GLIS3: variants seen among roughly 807,000 people sequenced by gnomAD.
GLIS3 encodes GLIS family zinc finger 3.
GLIS3 carries 53 observed loss-of-function variants against 78.6 expected under a neutral mutation model. That is an observed-to-expected ratio of 0.67 (90% CI 0.54 to 0.85). The LOEUF (loss-of-function observed/expected upper bound fraction) is 0.85. Among genes scored for constraint, GLIS3 ranks in the 40% least tolerant of loss-of-function variants. The probability of loss-of-function intolerance (pLI) is 0.00; values close to 1 mark genes in which losing one functional copy is unlikely to be tolerated. For missense variants in GLIS3, 1,703 were observed against 1,231.1 expected, an observed-to-expected ratio of 1.38 and a Z score of -5.74; for synonymous variants, 684 against 509.9, an observed-to-expected ratio of 1.34 and a Z score of -4.60.
rs111949985 is a variant in GLIS3, at chr9:4,024,035, C to CAA, written c.1711-86848_1711-86847dup. ...ATTAAGAAGGAAAAACAAAAAAAAA[C>CAA]AAAAAAAAAAATACAGTGGTCCTCC... On this transcript the variant is annotated intron_variant, in intron 4 of 10. Transcript: ENST00000381971. 1.4e-3 allele frequency among the ~76,000 whole-genome samples: 196 copies of CAA among 144,042 alleles called. 1 individual carries two copies. Among genetic ancestry groups the CAA allele is most frequent in the Middle Eastern group, 7.3e-3 (2 of 274 alleles). 94.5% of individuals were successfully genotyped at this position (144,042 alleles called of 152,430 possible).
intron 4 of GLIS3, among the ~76,000 whole-genome samples, chr9:4,026,352 C>G (rs1823346564): frequency 6.6e-6 from 1 of 152,200 alleles, no homozygotes; most frequent in Non-Finnish European, 1.5e-5. Flanking sequence ...TATCATTGTA[C>G]TATCTGAATA....
chr9:4,327,208 T>C (rs2130558155), intron 2 of GLIS3, among the ~76,000 whole-genome samples: 1 of 151,970 alleles, frequency 6.6e-6, no homozygotes, highest in African/African-American at 2.4e-5. Flanking sequence ...GAACAGCAGG[T>C]TTCAAGGACC....
At chr9:4,490,316 G>C in the GLIS3 span, 1 of 167,806 alleles carries the variant, frequency 6.0e-6, no homozygotes, top group South Asian at 1.8e-4. Context: ...AGCGCTGGGC[G>C]CCCTACCACG....
chr9:4,155,321 A>C (rs2131058100), intron 2 of GLIS3, among the ~76,000 whole-genome samples: 1 of 152,354 alleles, frequency 6.6e-6, no homozygotes, highest in South Asian at 2.1e-4. Flanking sequence ...GCAGCAAATG[A>C]CATCAGCAGT....
At chr9:4,010,436 G>T (rs574179547) in intron 4 of GLIS3, among the ~76,000 whole-genome samples, 2 of 152,296 alleles carry the variant, frequency 1.3e-5, no homozygotes, top group Admixed American at 1.3e-4. Context: ...TAGAAGCCCA[G>T]GAATACTCCA....
the GLIS3 span, among the ~76,000 whole-genome samples, chr9:4,394,595 C>T: frequency 6.6e-6 from 1 of 152,148 alleles, no homozygotes; most frequent in African/African-American, 2.4e-5. Flanking sequence ...TTAAGTATAT[C>T]TGAGAAACAA....
At chr9:4,203,836 C>T (rs972737972) in intron 2 of GLIS3, among the ~76,000 whole-genome samples, 7 of 152,130 alleles carry the variant, frequency 4.6e-5, no homozygotes, top group Non-Finnish European at 8.8e-5. Flanking sequence ...GGCCATTATC[C>T]TAAGTGAATT....
intron 9 of GLIS3, among the ~76,000 whole-genome samples, chr9:3,849,123 A>G (rs114930543): frequency 0.013 from 2,029 of 152,298 alleles, 55 homozygotes; most frequent in African/African-American, 0.046. Context: ...TGGCAACTGG[A>G]AACTCCAGAG....
intron 3 of GLIS3, among the ~76,000 whole-genome samples, chr9:4,119,335 T>C (rs565478655): frequency 5.5e-4 from 83 of 152,238 alleles, no homozygotes; most frequent in African/African-American, 1.9e-3. Context: ...TAAAATCTAT[T>C]TGGGAAAGTA....
intron 4 of GLIS3, among the ~76,000 whole-genome samples, chr9:4,013,374 A>C (rs1003871022): frequency 1.3e-5 from 2 of 152,176 alleles, no homozygotes; most frequent in East Asian, 1.9e-4. Flanking sequence ...TTTTATTCCC[A>C]ATATCCAAGG....
chr9:4,108,917 C>A (rs931534122), intron 4 of GLIS3, among the ~76,000 whole-genome samples: 5 of 152,110 alleles, frequency 3.3e-5, no homozygotes, highest in African/African-American at 1.2e-4. Flanking sequence ...GTGGCTCAAA[C>A]CCCAGGGGAG....
the GLIS3 span, among the ~76,000 whole-genome samples, chr9:4,384,793 C>CCACT: frequency 2.6e-5 from 4 of 152,012 alleles, no homozygotes; most frequent in Non-Finnish European, 5.9e-5. Flanking sequence ...CCCATGTCTC[C>CCACT]CACTCCCACC....
chr9:4,290,418 T>G (rs954294577), intron 1 of GLIS3, among the ~76,000 whole-genome samples: 6 of 152,170 alleles, frequency 3.9e-5, no homozygotes, highest in African/African-American at 1.4e-4. Flanking sequence ...TTTGGGTTCA[T>G]GACTGTATAA....
At chr9:4,164,597 G>C (rs1835740664) in intron 2 of GLIS3, among the ~76,000 whole-genome samples, 2 of 152,130 alleles carry the variant, frequency 1.3e-5, no homozygotes, top group African/African-American at 4.8e-5. Flanking sequence ...CACCAAAACT[G>C]ATTTATGGGA....
At chr9:4,317,946 A>G (rs1347259909) in intron 2 of GLIS3, among the ~76,000 whole-genome samples, 1 of 152,216 alleles carries the variant, frequency 6.6e-6, no homozygotes, top group Non-Finnish European at 1.5e-5. Flanking sequence ...TTGATGATAA[A>G]TAATATTAAA....
At chr9:4,098,422 G>T (rs577580446) in intron 4 of GLIS3, among the ~76,000 whole-genome samples, 89 of 152,288 alleles carry the variant, frequency 5.8e-4, no homozygotes, top group Non-Finnish European at 9.0e-4. Context: ...CCATGAGCAA[G>T]ATCGATACAC....
intron 2 of GLIS3, among the ~76,000 whole-genome samples, chr9:4,240,858 A>G (rs1823237674): frequency 6.6e-6 from 1 of 152,170 alleles, no homozygotes; most frequent in African/African-American, 2.4e-5. Context: ...AATTAAAATA[A>G]AAGTTAAAAA....
intron 2 of GLIS3, among the ~76,000 whole-genome samples, chr9:4,166,216 A>G (rs1835880751): frequency 6.6e-6 from 1 of 152,198 alleles, no homozygotes; most frequent in Non-Finnish European, 1.5e-5. Flanking sequence ...TGTTAGCTAT[A>G]ATCAATACGT....
intron 4 of GLIS3, among the ~76,000 whole-genome samples, chr9:4,052,713 C>T (rs1825827457): frequency 6.6e-6 from 1 of 152,144 alleles, no homozygotes; most frequent in Non-Finnish European, 1.5e-5. Context: ...TTTGTTTATC[C>T]ATTCATCCAC....
Sources: allele counts gnomAD v4.1 joint callset (sites outside exome capture counted in the v4.1 genomes callset), GRCh38; gene constraint gnomAD v4.1.1; transcripts MANE v1.5; gene names NCBI Gene and HGNC (gene_info 2026-07-23, HGNC 2026-07-21).